GRID2: variants seen among roughly 807,000 people sequenced by gnomAD.
The protein encoded by GRID2 is glutamate receptor ionotropic, delta-2.
GRID2 carries 33 observed loss-of-function variants against 114.8 expected under a neutral mutation model. That is an observed-to-expected ratio of 0.29 (90% CI 0.22 to 0.38). GRID2 has a LOEUF of 0.38. Ranked by LOEUF, GRID2 falls within the 10% of genes least tolerant of loss-of-function variation. The probability of loss-of-function intolerance (pLI) is 1.00; values close to 1 mark genes in which losing one functional copy is unlikely to be tolerated. For missense variants in GRID2, 1,184 were observed against 1,257.7 expected, an observed-to-expected ratio of 0.94 and a Z score of 0.89; for synonymous variants, 505 against 449.9, an observed-to-expected ratio of 1.12 and a Z score of -1.55.
chr4:92,934,163 G>A (rs1578518851), intron 2 of GRID2, among the ~76,000 whole-genome samples: 2 of 151,730 alleles, frequency 1.3e-5, no homozygotes, highest in African/African-American at 4.8e-5. Context: ...TCCTACCCAT[G>A]AGCGTGGAAT....
chr4:93,266,917 A>G (rs1265156360), intron 8 of GRID2, among the ~76,000 whole-genome samples: 1 of 152,034 alleles, frequency 6.6e-6, no homozygotes, highest in African/African-American at 2.4e-5. Flanking sequence ...CTCATCACGT[A>G]ATTTCTCATT....
At position 93,646,590 on chromosome 4, in the gene GRID2, C is replaced by G. The variant is rs77704639; in HGVS notation, c.2360+20155C>G. ...ATTTTTAAAGAAGCATTTTTTACCT[C>G]TGGCTCTTAAAGTAGAGAAAGATAT... On this transcript the variant is annotated intron_variant, in intron 14 of 15. Transcript: ENST00000282020. 8.0e-3 allele frequency among the ~76,000 whole-genome samples: 1,218 copies of G among 152,208 alleles called. 18 individuals carry two copies. The highest frequency in any genetic ancestry group is 0.027 in the African/African-American group (1,136 of 41,536).
chr4:92,888,747 A>G (rs1001124424), intron 2 of GRID2, among the ~76,000 whole-genome samples: 2 of 151,638 alleles, frequency 1.3e-5, no homozygotes, highest in African/African-American at 2.4e-5. Flanking sequence ...AGCTTCAAAC[A>G]TTTTTATAAT....
intron 2 of GRID2, among the ~76,000 whole-genome samples, chr4:92,866,710 A>AT (rs553446965): frequency 0.022 from 3,185 of 142,926 alleles, 55 homozygotes; most frequent in African/African-American, 0.054. Context: ...TGCCCGGCTA[A>AT]TTTTTTTTTT....
intron 1 of GRID2, among the ~76,000 whole-genome samples, chr4:92,442,516 G>T (rs926895085): frequency 2.0e-5 from 3 of 152,062 alleles, no homozygotes; most frequent in African/African-American, 7.2e-5. Context: ...TGTGGCTGGG[G>T]TTTGTCTCAC....
intron 2 of GRID2, among the ~76,000 whole-genome samples, chr4:92,976,779 G>A (rs1445457303): frequency 6.6e-6 from 1 of 152,162 alleles, no homozygotes; most frequent in African/African-American, 2.4e-5. Flanking sequence ...ATAGCTGAGT[G>A]ATTTCATGGA....
intron 2 of GRID2, among the ~76,000 whole-genome samples, chr4:92,816,198 C>T (rs1442660517): frequency 1.3e-5 from 2 of 150,588 alleles, no homozygotes; most frequent in African/African-American, 4.9e-5. Flanking sequence ...GCGTGCAATC[C>T]CAGCTACTCG....
intron 2 of GRID2, among the ~76,000 whole-genome samples, chr4:92,794,374 G>A (rs1384923685): frequency 6.6e-6 from 1 of 151,710 alleles, no homozygotes; most frequent in Non-Finnish European, 1.5e-5. Flanking sequence ...ATATATGTGT[G>A]TATATACATA....
intron 1 of GRID2, among the ~76,000 whole-genome samples, chr4:92,480,188 G>C (rs1279474679): frequency 1.3e-5 from 2 of 151,946 alleles, no homozygotes; most frequent in African/African-American, 2.4e-5. Flanking sequence ...AAAAGCATAA[G>C]AAACCATCAG....
At chr4:93,625,350 C>T (rs1337569066) in intron 13 of GRID2, among the ~76,000 whole-genome samples, 1 of 152,154 alleles carries the variant, frequency 6.6e-6, no homozygotes, top group Non-Finnish European at 1.5e-5. Context: ...TTTTTGTTCT[C>T]TCAATCCAAA....
chr4:92,736,882 G>A (rs1473841554), intron 2 of GRID2, among the ~76,000 whole-genome samples: 5 of 152,084 alleles, frequency 3.3e-5, no homozygotes, highest in Non-Finnish European at 7.4e-5. Context: ...TACTCAGAAA[G>A]AATTCTAAAA....
rs142116180 is a variant in GRID2 at position 93,599,163 on chromosome 4, T to C, written c.2194-27106T>C. Among the ~76,000 whole-genome samples, 594 of 152,332 alleles carry C rather than the reference T, an allele frequency of 3.9e-3. 2 individuals are homozygous for C. The highest frequency in any genetic ancestry group is 0.014 in the African/African-American group (570 of 41,588). ...GAATAGAGTGCTGGTGCACAGTCCATACCCAACAAATGTTGTTGGATGGAC... is the reference window on the plus strand; with the variant it reads ...GAATAGAGTGCTGGTGCACAGTCCACACCCAACAAATGTTGTTGGATGGAC... On this transcript the variant is annotated intron_variant, in intron 13 of 15. Transcript: ENST00000282020.
At chr4:93,201,381 G>A (rs1332436805) in intron 4 of GRID2, among the ~76,000 whole-genome samples, 1 of 152,166 alleles carries the variant, frequency 6.6e-6, no homozygotes, top group Non-Finnish European at 1.5e-5. Flanking sequence ...CTATAGATGA[G>A]AAGCCAGAAA....
intron 8 of GRID2, among the ~76,000 whole-genome samples, chr4:93,362,149 G>T (rs1429835883): frequency 6.6e-6 from 1 of 152,070 alleles, no homozygotes; most frequent in Non-Finnish European, 1.5e-5. Context: ...CTTAGGTTAG[G>T]TGTTGGGTCA....
intron 9 of GRID2, among the ~76,000 whole-genome samples, chr4:93,404,613 T>C (rs1315173106): frequency 6.6e-6 from 1 of 152,140 alleles, no homozygotes; most frequent in Non-Finnish European, 1.5e-5. Context: ...AAAGACCTTC[T>C]AACAGAACCT....
chr4:93,595,189 C>T (rs1157045086), intron 13 of GRID2, among the ~76,000 whole-genome samples: 1 of 152,202 alleles, frequency 6.6e-6, no homozygotes, highest in Non-Finnish European at 1.5e-5. Context: ...AGGAAGCCTC[C>T]TGTAATATCC....
At chr4:92,547,597 G>A (rs937953618) in intron 1 of GRID2, among the ~76,000 whole-genome samples, 4 of 151,810 alleles carry the variant, frequency 2.6e-5, no homozygotes, top group African/African-American at 4.8e-5. Context: ...TTAAAATTTT[G>A]TCTTACCCAA....
chr4:92,824,971 T>C (rs1284833505), intron 2 of GRID2, among the ~76,000 whole-genome samples: 1 of 150,410 alleles, frequency 6.6e-6, no homozygotes, highest in Non-Finnish European at 1.5e-5. Flanking sequence ...TTATTTTTCA[T>C]ATCCACAAAT....
At chr4:92,676,814 T>A (rs1014867474) in intron 2 of GRID2, among the ~76,000 whole-genome samples, 1 of 152,148 alleles carries the variant, frequency 6.6e-6, no homozygotes, top group African/African-American at 2.4e-5. Flanking sequence ...AAATAGATGC[T>A]TATACACCTG....
Sources: gnomAD v4.1 joint callset for allele counts (sites outside exome capture counted in the v4.1 genomes callset) on GRCh38, gnomAD v4.1.1 for gene constraint, MANE v1.5 for transcripts, NCBI Gene and HGNC (gene_info 2026-07-23, HGNC 2026-07-21) for gene names.